CPQ: variants seen among roughly 807,000 people sequenced by gnomAD.
CPQ encodes the protein Ser-Met dipeptidase.
Under a neutral mutation model 45.7 loss-of-function variants are expected in CPQ, and 37 were observed. The ratio of observed to expected loss-of-function variants is 0.81; its 90% CI spans 0.62 to 1.07. CPQ has a LOEUF of 1.07. Ranked by LOEUF, CPQ falls within the 50% of genes least tolerant of loss-of-function variation. The pLI is 0.00. For missense variants in CPQ, 537 were observed against 572.9 expected (o/e 0.94, Z 0.64); for synonymous variants, 186 against 205.8 (o/e 0.90, Z 0.82).
intron 5 of CPQ, among the ~76,000 whole-genome samples, chr8:97,020,375 G>T (rs1586498046): frequency 6.6e-6 from 1 of 151,884 alleles, no homozygotes; most frequent in Admixed American, 6.6e-5. Flanking sequence ...AAATAACTAA[G>T]ATCAGAGCAT....
At position 96,718,900 on chromosome 8, in the gene CPQ, C is replaced by G. The variant is rs546487009; in HGVS notation, c.-34-65964C>G. 1.5e-4 allele frequency among the ~76,000 whole-genome samples: 23 copies of G among 152,312 alleles called. No individual in the cohort carries two copies. In the South Asian group the frequency reaches 3.5e-3, roughly 23 times the overall value. On this transcript the variant is annotated intron_variant, in intron 1 of 7. Transcript: ENST00000220763. ...ACAAACCCTGAGCTAGACACGGGTG[C>G]TGATTGGTGTGTTTACAAACCTTGA...
At chr8:96,701,310 C>T (rs1022156489) in intron 1 of CPQ, among the ~76,000 whole-genome samples, 2 of 152,082 alleles carry the variant, frequency 1.3e-5, no homozygotes, top group Admixed American at 6.6e-5. Flanking sequence ...TTCTAGGAAG[C>T]GTCTAGTGTG....
At chr8:96,863,151 A>G (rs1327152179) in intron 3 of CPQ, among the ~76,000 whole-genome samples, 1 of 152,144 alleles carries the variant, frequency 6.6e-6, no homozygotes, top group African/African-American at 2.4e-5. Flanking sequence ...AAATAAATGA[A>G]TAAGAACTTA....
rs1328065749 is a variant in CPQ, at chr8:96,879,934, G to A, written c.778G>A (p.Ala260Thr). Residue 260 changes from alanine (A) to threonine (T), a missense_variant, in exon 4 of 8, where the codon GCA (alanine) becomes ACA (threonine). Physicochemically the swap from Ala to Thr is moderately conservative, Grantham distance 58 (BLOSUM62 0). Transcript: ENST00000220763. ...AATTGTCATTCAGCTAAAGATGGGG[G>A]CAAAGACCTACCCAGATACTGATTC... is the stretch of plus-strand genomic sequence containing the variant. ...IKIVIQLKMG[A>T]KTYPDTDSFN... 2 of 1,614,076 alleles carry A rather than the reference G, an allele frequency of 1.2e-6. No homozygotes were observed.
chr8:96,893,792 T>C (rs1307585344), intron 4 of CPQ, among the ~76,000 whole-genome samples: 1 of 152,172 alleles, frequency 6.6e-6, no homozygotes, highest in Admixed American at 6.6e-5. Flanking sequence ...ATGAAAGCCT[T>C]TAAATAATAA....
At chr8:96,791,603 A>C (rs2130814752) in intron 2 of CPQ, among the ~76,000 whole-genome samples, 1 of 152,322 alleles carries the variant, frequency 6.6e-6, no homozygotes, top group South Asian at 2.1e-4. Flanking sequence ...TGGGGCTCAA[A>C]GTAGATAAAC....
chr8:97,104,586 CA>C (rs2130584765), intron 7 of CPQ, among the ~76,000 whole-genome samples: 2 of 152,296 alleles, frequency 1.3e-5, no homozygotes, highest in African/African-American at 4.8e-5. Flanking sequence ...AGTAAACACA[CA>C]GTTACACACA....
chr8:96,742,173 T>C (rs1810102208), intron 1 of CPQ, among the ~76,000 whole-genome samples: 1 of 151,402 alleles, frequency 6.6e-6, no homozygotes. Flanking sequence ...ATTGGGTGCA[T>C]ATATATTTAG....
chr8:96,667,484 G>A (rs1194170670), intron 1 of CPQ, among the ~76,000 whole-genome samples: 1 of 151,826 alleles, frequency 6.6e-6, no homozygotes, highest in East Asian at 1.9e-4. Context: ...ATGTAGCTGG[G>A]ATTACAGGTG....
At chr8:97,137,699 G>A (rs1235611409) in intron 7 of CPQ, among the ~76,000 whole-genome samples, 2 of 152,198 alleles carry the variant, frequency 1.3e-5, no homozygotes, top group African/African-American at 4.8e-5. Flanking sequence ...GGAGGCCGAG[G>A]CGGGCGGATC....
At chr8:96,953,035 T>G (rs1023901139) in intron 4 of CPQ, among the ~76,000 whole-genome samples, 7 of 152,144 alleles carry the variant, frequency 4.6e-5, no homozygotes, top group African/African-American at 1.4e-4. Context: ...GATGGCAGAT[T>G]TCCTTAATCA....
intron 4 of CPQ, among the ~76,000 whole-genome samples, chr8:96,886,894 T>C (rs1812313023): frequency 6.6e-6 from 1 of 152,236 alleles, no homozygotes; most frequent in Non-Finnish European, 1.5e-5. Context: ...TTCTCATATC[T>C]ACCGTCCTTT....
At chr8:96,717,648 A>G (rs1438135859) in intron 1 of CPQ, among the ~76,000 whole-genome samples, 1 of 151,894 alleles carries the variant, frequency 6.6e-6, no homozygotes, top group Non-Finnish European at 1.5e-5. Flanking sequence ...CAGGGGAGGT[A>G]CTCAGACAAT....
intron 7 of CPQ, among the ~76,000 whole-genome samples, chr8:97,079,547 T>C (rs1455099637): frequency 1.3e-5 from 2 of 152,130 alleles, no homozygotes; most frequent in Non-Finnish European, 2.9e-5. Flanking sequence ...GTCATAAAGA[T>C]ATTAAGTAGA....
chr8:96,954,913 C>A (rs1222478681), intron 4 of CPQ, among the ~76,000 whole-genome samples: 1 of 152,118 alleles, frequency 6.6e-6, no homozygotes, highest in African/African-American at 2.4e-5. Context: ...CATGTCCCTA[C>A]AAAGGACATG....
At chr8:97,061,465 G>A (rs1810550962) in intron 6 of CPQ, among the ~76,000 whole-genome samples, 1 of 152,126 alleles carries the variant, frequency 6.6e-6, no homozygotes, top group Non-Finnish European at 1.5e-5. Flanking sequence ...GCAGTGGAGA[G>A]GTTGAGAGCA....
At position 96,852,395 on chromosome 8, in the gene CPQ, C is replaced by T. The variant is rs375109939; in HGVS notation, c.641+17215C>T. Among the ~76,000 whole-genome samples the T allele has an allele frequency of 1.5e-3, 222 of 152,230 alleles. 2 individuals are homozygous for T. The highest frequency in any genetic ancestry group is 0.01 in the Admixed American group (154 of 15,296). On this transcript the variant is annotated intron_variant, in intron 3 of 7. Transcript: ENST00000220763. The stretch of plus-strand genomic sequence containing the variant: ...GGTAGTTTGTACTATTTTCATTTTT[C>T]GTGTGTTCAATCGTATTTCTCTCAG...
intron 5 of CPQ, among the ~76,000 whole-genome samples, chr8:96,992,556 CAG>C (rs1391489215): frequency 1.1e-4 from 16 of 152,112 alleles, no homozygotes; most frequent in East Asian, 1.9e-4. Context: ...GTTTTTGAGA[CAG>C]TGACACAGAT....
chr8:97,017,700 T>G (rs1809606383), intron 5 of CPQ, among the ~76,000 whole-genome samples: 2 of 152,074 alleles, frequency 1.3e-5, no homozygotes, highest in African/African-American at 4.8e-5. Context: ...TCTAGGAACA[T>G]AACTCCATTG....
Sources: gnomAD v4.1 joint callset for allele counts (sites outside exome capture counted in the v4.1 genomes callset) on GRCh38, gnomAD v4.1.1 for gene constraint, MANE v1.5 for transcripts, NCBI Gene and HGNC (gene_info 2026-07-23, HGNC 2026-07-21) for gene names.